DLGAP1: variants seen among roughly 807,000 people sequenced by gnomAD.
DLGAP1 encodes the protein disks large-associated protein 1.
Under a neutral mutation model 90.8 loss-of-function variants are expected in DLGAP1, and 11 were observed. That is an observed-to-expected ratio of 0.12 (90% CI 0.08 to 0.20). The LOEUF (loss-of-function observed/expected upper bound fraction) is 0.20, where lower values mean the gene tolerates loss of function less well. Ranked by LOEUF, DLGAP1 falls within the 10% of genes least tolerant of loss-of-function variation. The pLI is 1.00. For missense variants in DLGAP1, 1,050 were observed against 1,333.8 expected (o/e 0.79, Z 3.31); for synonymous variants, 558 against 540.7 (o/e 1.03, Z -0.44).
chr18:3,994,313 C>T (rs2074026789), intron 3 of DLGAP1, among the ~76,000 whole-genome samples: 2 of 152,188 alleles, frequency 1.3e-5, no homozygotes, highest in African/African-American at 2.4e-5. Context: ...TTGGGGACCC[C>T]GTTCCTTCCC....
intron 2 of DLGAP1, among the ~76,000 whole-genome samples, chr18:4,106,861 G>C (rs966809375): frequency 6.6e-6 from 1 of 152,202 alleles, no homozygotes; most frequent in Non-Finnish European, 1.5e-5. Flanking sequence ...AGGCAGGAGA[G>C]ACCCGAATAC....
At chr18:4,037,118 A>G (rs2074901083) in intron 2 of DLGAP1, among the ~76,000 whole-genome samples, 1 of 152,214 alleles carries the variant, frequency 6.6e-6, no homozygotes, top group Non-Finnish European at 1.5e-5. Context: ...GCAAAGTTGT[A>G]CTTCAGAAGA....
intron 5 of DLGAP1, among the ~76,000 whole-genome samples, chr18:3,810,958 G>A (rs891015096): frequency 4.0e-5 from 6 of 151,744 alleles, no homozygotes; most frequent in East Asian, 3.9e-4. Flanking sequence ...GGTGCACGCC[G>A]CCACACCCAG....
intron 3 of DLGAP1, among the ~76,000 whole-genome samples, chr18:3,937,610 C>T (rs1271018202): frequency 2.0e-5 from 3 of 152,206 alleles, no homozygotes; most frequent in African/African-American, 7.2e-5. Context: ...ACATGTTCAC[C>T]TCTCTGAGAT....
chr18:3,583,188 T>TA (rs1568241068), intron 7 of DLGAP1, among the ~76,000 whole-genome samples: 18 of 115,394 alleles, frequency 1.6e-4, no homozygotes, highest in South Asian at 1.5e-3. Flanking sequence ...CTACCTACCT[T>TA]CCTTCCTTCC....
intron 1 of DLGAP1, among the ~76,000 whole-genome samples, chr18:4,371,740 A>C (rs548068543): frequency 1.6e-5 from 2 of 122,346 alleles, no homozygotes; most frequent in East Asian, 5.0e-4. Flanking sequence ...GTGTGAGGCA[A>C]AATGGTAAAA....
intron 5 of DLGAP1, among the ~76,000 whole-genome samples, chr18:3,773,244 G>A (rs1387341613): frequency 6.6e-6 from 1 of 152,034 alleles, no homozygotes; most frequent in East Asian, 1.9e-4. Context: ...CTCATAAACT[G>A]ACACACACAT....
rs1470549616 is a variant in DLGAP1, at chr18:3,508,670, A to G, written c.2480-9T>C. The G allele has an allele frequency of 1.2e-6, 2 of 1,608,986 alleles. No homozygotes were observed. The highest frequency in any genetic ancestry group is 1.7e-5 in the Admixed American group (1 of 59,582). On this transcript the variant is annotated splice_polypyrimidine_tract_variant and intron_variant, in intron 10 of 12. Transcript: ENST00000315677. Reference sequence around the variant, plus strand: ...TCGGATTTTTCCTAGAACTGGAAAGAGCAAACATACGAGAAATTTACACAT... The same window carrying G: ...TCGGATTTTTCCTAGAACTGGAAAGGGCAAACATACGAGAAATTTACACAT...
At chr18:3,563,371 C>A (rs1476320374) in intron 9 of DLGAP1, among the ~76,000 whole-genome samples, 1 of 152,028 alleles carries the variant, frequency 6.6e-6, no homozygotes, top group African/African-American at 2.4e-5. Flanking sequence ...CTGTTCCTTT[C>A]TCCATCCTCT....
chr18:4,106,707 T>A (rs1237330962), intron 2 of DLGAP1, among the ~76,000 whole-genome samples: 10 of 152,232 alleles, frequency 6.6e-5, no homozygotes. Context: ...CCTTTGTTTC[T>A]TCAGAAAAGT....
chr18:4,336,172 T>C (rs891962394), intron 1 of DLGAP1, among the ~76,000 whole-genome samples: 7 of 152,192 alleles, frequency 4.6e-5, no homozygotes, highest in East Asian at 1.9e-4. Flanking sequence ...TTGCTGCCCA[T>C]TGGCACAGAA....
chr18:4,181,213 A>C (rs2077202470), intron 1 of DLGAP1, among the ~76,000 whole-genome samples: 1 of 152,184 alleles, frequency 6.6e-6, no homozygotes. Flanking sequence ...TATGGGAAGA[A>C]TTAGACTCCT....
intron 1 of DLGAP1, among the ~76,000 whole-genome samples, chr18:4,257,868 A>G (rs1047869416): frequency 1.3e-5 from 2 of 151,794 alleles, no homozygotes; most frequent in South Asian, 2.1e-4. Context: ...CAAGTGATCC[A>G]TCTGCCTCGG....
intron 3 of DLGAP1, among the ~76,000 whole-genome samples, chr18:3,953,970 T>A: frequency 6.6e-6 from 1 of 152,342 alleles, no homozygotes; most frequent in East Asian, 1.9e-4. Context: ...GAGCTCTTTA[T>A]CATCATCACC....
Position 4,410,167 on chromosome 18 carries a change from G to C in DLGAP1, c.-267+44839C>G, listed in dbSNP as rs575253026. Among the ~76,000 whole-genome samples the C allele has an allele frequency of 2.0e-5, 3 of 152,240 alleles. No homozygotes were observed. In the East Asian group the frequency reaches 5.8e-4, roughly 29 times the overall value. On this transcript the variant is annotated intron_variant, in intron 1 of 12. Transcript: ENST00000315677. Reference sequence around the variant, plus strand: ...TCGGGTACTTGGGAAGAGTGGGAGAGGGGCAAAGGATAAAAGACAACAAAT... The same window carrying C: ...TCGGGTACTTGGGAAGAGTGGGAGACGGGCAAAGGATAAAAGACAACAAAT...
rs1213900117 is a variant in DLGAP1, at chr18:3,534,481, G to A, written c.2192C>T (p.Ser731Phe). The change falls in exon 10 of 13, where the codon TCC (serine) becomes TTC (phenylalanine). Residue 731 changes from serine to phenylalanine, a missense_variant. Around this residue, in one of 2 missense-constraint regions of DLGAP1, gnomAD observed 565 missense variants for 879.7 expected, o/e 0.64. Transcript: ENST00000315677. Reference sequence around the variant, plus strand: ...GACTGTGGAGGTGCTGGCATCGCGGGAGAACTGTCTGGCCATGGGGCCAGG... The same window carrying A: ...GACTGTGGAGGTGCTGGCATCGCGGAAGAACTGTCTGGCCATGGGGCCAGG... ...SCPGPMARQF[S>F]RDASTSTVSI... The A allele has an allele frequency of 6.2e-7, 1 of 1,614,078 alleles. No homozygotes were observed.
intron 7 of DLGAP1, among the ~76,000 whole-genome samples, chr18:3,633,401 CAAA>C (rs60320308): frequency 4.8e-5 from 3 of 61,972 alleles, no homozygotes; most frequent in African/African-American, 5.1e-5. Flanking sequence ...GACTTCATCT[CAAA>C]AAAAAAAAAA....
intron 5 of DLGAP1, chr18:3,769,929 A>G (rs770477370): frequency 1.3e-5 from 2 of 152,134 alleles, no homozygotes; most frequent in African/African-American, 4.8e-5. Context: ...CAATTATCTC[A>G]AAATAATTTT....
chr18:3,841,192 T>C, intron 4 of DLGAP1, among the ~76,000 whole-genome samples: 1 of 152,158 alleles, frequency 6.6e-6, no homozygotes, highest in East Asian at 1.9e-4. Context: ...CAAAGTGCTA[T>C]GGAAACAGTA....
Sources: gnomAD v4.1 joint callset for allele counts (sites outside exome capture counted in the v4.1 genomes callset) on GRCh38, gnomAD v4.1.1 for gene constraint, gnomAD v4.1.1 regional missense constraint, MANE v1.5 for transcripts, NCBI Gene and HGNC (gene_info 2026-07-23, HGNC 2026-07-21) for gene names.